The following SAMD12 variants were observed in gnomAD, a reference collection of about 807,000 sequenced individuals.
SAMD12 encodes sterile alpha motif domain containing 12.
In SAMD12, 9 loss-of-function variants were observed where a neutral mutation model predicts 15.0. The observed-to-expected ratio is 0.60, with a 90% CI of 0.36 to 1.05. The LOEUF (loss-of-function observed/expected upper bound fraction) is 1.05. Among genes scored for constraint, SAMD12 ranks in the 50% least tolerant of loss-of-function variants. SAMD12 has a pLI of 0.01. For missense variants in SAMD12, 230 were observed against 234.2 expected (o/e 0.98, Z 0.12); for synonymous variants, 86 against 90.1 (o/e 0.96, Z 0.25).
At chr8:118,451,150 G>A (rs941934636) in intron 2 of SAMD12, among the ~76,000 whole-genome samples, 2 of 152,180 alleles carry the variant, frequency 1.3e-5, no homozygotes, top group Non-Finnish European at 2.9e-5. Context: ...GTGAATTTCA[G>A]AACTGCATTC....
chr8:118,439,908 G>A lies in SAMD12; in HGVS notation c.246C>T (p.Val82=), dbSNP rs756148342. 3.7e-6 allele frequency: 6 copies of A among 1,613,610 alleles called. No homozygotes were observed. Among genetic ancestry groups the A allele is most frequent in the Admixed American group, 1.7e-5 (1 of 60,000 alleles). The part of the protein sequence containing the change: ...KPVALWTQQD[V]CKWLKKHCPN... The stretch of plus-strand genomic sequence containing the variant: ...GACAATGTTTCTTCAACCACTTGCA[G>A]ACATCCTGCTGGGTCCATAGAGCCA... Residue 82 remains valine (V), a synonymous_variant, in exon 3 of 4, where the codon GTC becomes GTT. Transcript: ENST00000314727.
chr8:118,582,222 T>C (rs1390424855), intron 1 of SAMD12, among the ~76,000 whole-genome samples: 1 of 152,096 alleles, frequency 6.6e-6, no homozygotes, highest in East Asian at 1.9e-4. Context: ...GACTCCCAAA[T>C]ATTAACTGCA....
chr8:118,279,988 A>T lies in SAMD12; in HGVS notation c.434-82256T>A, dbSNP rs1586415459. The stretch of plus-strand genomic sequence containing the variant: ...TGGTCTGCAAATGATTCCCTTCTAA[A>T]GAACACTACTGAGATTCAGAGTTGA... On this transcript the variant is annotated intron_variant, in intron 4 of 4. Coordinates refer to the SAMD12 transcript ENST00000409003. Among the ~76,000 whole-genome samples, 6 of 152,342 alleles carry T rather than the reference A, an allele frequency of 3.9e-5. 1 individual carries two copies. Among genetic ancestry groups the T allele is most frequent in the Admixed American group, 3.9e-4 (6 of 15,304 alleles).
At chr8:118,271,448 CA>C (rs1431298525) in intron 4 of SAMD12, among the ~76,000 whole-genome samples, 1 of 152,134 alleles carries the variant, frequency 6.6e-6, no homozygotes, top group Non-Finnish European at 1.5e-5. Context: ...CAAACCATAT[CA>C]TTCCACCCTT....
chr8:118,337,551 A>G (rs72675887), intron 4 of SAMD12, among the ~76,000 whole-genome samples: 11,827 of 152,244 alleles, frequency 0.078, 710 homozygotes, highest in Non-Finnish European at 0.11. Flanking sequence ...CCAAAAATAA[A>G]CGATTCATAA....
downstream of SAMD12, among the ~76,000 whole-genome samples, chr8:118,189,112 ATGT>A (rs984807526): frequency 6.6e-6 from 1 of 152,100 alleles, no homozygotes; most frequent in Non-Finnish European, 1.5e-5. Flanking sequence ...TGTGTTTACC[ATGT>A]CTGAGGGGTG....
At chr8:118,417,176 G>A (rs1457704300) in intron 3 of SAMD12, among the ~76,000 whole-genome samples, 1 of 152,000 alleles carries the variant, frequency 6.6e-6, no homozygotes, top group Non-Finnish European at 1.5e-5. Context: ...AAATTCCTAA[G>A]CTCAAGTGAT....
intron 4 of SAMD12, among the ~76,000 whole-genome samples, chr8:118,275,370 A>G (rs1302564524): frequency 6.6e-6 from 1 of 152,186 alleles, no homozygotes; most frequent in Non-Finnish European, 1.5e-5. Flanking sequence ...AAGTATTTGA[A>G]TAATAGGTAA....
chr8:118,279,225 C>T (rs982644778), intron 4 of SAMD12, among the ~76,000 whole-genome samples: 1 of 152,086 alleles, frequency 6.6e-6, no homozygotes, highest in African/African-American at 2.4e-5. Flanking sequence ...TTTCCCTTTG[C>T]TAGAATAGAA....
chr8:118,470,079 TTC>T (rs900549668), intron 2 of SAMD12, among the ~76,000 whole-genome samples: 3 of 152,022 alleles, frequency 2.0e-5, no homozygotes, highest in African/African-American at 7.3e-5. Flanking sequence ...ACATGAATAT[TTC>T]TCAGTGCTGA....
At chr8:118,297,555 TCGA>T (rs1300909437) in intron 4 of SAMD12, among the ~76,000 whole-genome samples, 4 of 152,214 alleles carry the variant, frequency 2.6e-5, no homozygotes, top group Non-Finnish European at 5.9e-5. Context: ...TAAAAACAAT[TCGA>T]CATTATTAGT....
At chr8:118,182,100 C>A in the SAMD12 span, among the ~76,000 whole-genome samples, 3 of 152,228 alleles carry the variant, frequency 2.0e-5, no homozygotes, top group South Asian at 6.2e-4. Context: ...TATTTGAAAA[C>A]CTTTATTGCA....
At chr8:118,439,006 G>C (rs1330840866) in intron 3 of SAMD12, among the ~76,000 whole-genome samples, 1 of 152,084 alleles carries the variant, frequency 6.6e-6, no homozygotes, top group Non-Finnish European at 1.5e-5. Context: ...AGGGTGAAAG[G>C]GCAGGCAAGG....
At chr8:118,411,867 A>AATGGTAT (rs1289028809) in intron 3 of SAMD12, among the ~76,000 whole-genome samples, 1 of 152,228 alleles carries the variant, frequency 6.6e-6, no homozygotes, top group African/African-American at 2.4e-5. Flanking sequence ...AAATGACTCA[A>AATGGTAT]ATGGTATAAC....
chr8:118,454,457 A>C (rs1563870077), intron 2 of SAMD12, among the ~76,000 whole-genome samples: 1 of 152,196 alleles, frequency 6.6e-6, no homozygotes, highest in Admixed American at 6.5e-5. Flanking sequence ...AGAGGTAGTC[A>C]GTAGTCCCTT....
chr8:118,336,998 C>T (rs1014162749), intron 4 of SAMD12, among the ~76,000 whole-genome samples: 8 of 152,058 alleles, frequency 5.3e-5, no homozygotes, highest in African/African-American at 1.9e-4. Flanking sequence ...ACATCACACA[C>T]TGGGTCCTGT....
intron 3 of SAMD12, among the ~76,000 whole-genome samples, chr8:118,411,428 T>C (rs1187010687): frequency 2.6e-5 from 4 of 152,170 alleles, no homozygotes; most frequent in Admixed American, 2.6e-4. Context: ...GGTATGACGA[T>C]GAAACTACTT....
At chr8:118,230,084 C>T (rs1010125309) in intron 4 of SAMD12, among the ~76,000 whole-genome samples, 2 of 151,846 alleles carry the variant, frequency 1.3e-5, no homozygotes, top group African/African-American at 4.8e-5. Context: ...GAAAAGCTGC[C>T]AAGGAGAAGG....
chr8:118,520,575 T>C (rs1825362077), intron 2 of SAMD12, among the ~76,000 whole-genome samples: 1 of 152,096 alleles, frequency 6.6e-6, no homozygotes, highest in Non-Finnish European at 1.5e-5. Context: ...TCTGAAAACA[T>C]AACACAATTG....
Sources: gnomAD v4.1 joint callset for allele counts (sites outside exome capture counted in the v4.1 genomes callset) on GRCh38, gnomAD v4.1.1 for gene constraint, MANE v1.5 for transcripts, NCBI Gene and HGNC (gene_info 2026-07-23, HGNC 2026-07-21) for gene names.